Variants in ZNF438 observed in about 807,000 individuals in gnomAD.
ZNF438 encodes zinc finger protein 438.
In ZNF438, 25 loss-of-function variants were observed where a neutral mutation model predicts 38.0. The ratio of observed to expected loss-of-function variants is 0.66; its 90% CI spans 0.48 to 0.92. The LOEUF is 0.92. Ranked by LOEUF, ZNF438 falls within the 40% of genes least tolerant of loss-of-function variation. ZNF438 has a pLI of 0.00. For synonymous variants in ZNF438, 372 were observed against 364.1 expected (o/e 1.02, Z -0.25); for missense variants, 1,007 against 999.6 (o/e 1.01, Z -0.10).
intron 1 of ZNF438, among the ~76,000 whole-genome samples, chr10:31,006,841 TA>T (rs1191243238): frequency 1.4e-5 from 2 of 147,904 alleles, no homozygotes; most frequent in Non-Finnish European, 3.0e-5. Context: ...TGTTGGCTAA[TA>T]GAAAAAAAAA....
intron 1 of ZNF438, among the ~76,000 whole-genome samples, chr10:31,006,029 C>A (rs528994665): frequency 5.3e-5 from 8 of 152,268 alleles, no homozygotes; most frequent in African/African-American, 1.4e-4. Context: ...GATGTCCATC[C>A]CTTATTCCCT....
intron 2 of ZNF438, among the ~76,000 whole-genome samples, chr10:30,933,757 G>A (rs1425529900): frequency 6.6e-6 from 1 of 152,110 alleles, no homozygotes; most frequent in Admixed American, 6.5e-5. Context: ...CATGTCTACT[G>A]CCCCTTACAC....
At chr10:30,936,915 A>T (rs2046320021) in intron 2 of ZNF438, among the ~76,000 whole-genome samples, 1 of 152,176 alleles carries the variant, frequency 6.6e-6, no homozygotes, top group Admixed American at 6.5e-5. Context: ...CATTGCCTCC[A>T]AACATAAAAA....
At chr10:30,909,446 A>T (rs888633241) in intron 2 of ZNF438, among the ~76,000 whole-genome samples, 5 of 152,186 alleles carry the variant, frequency 3.3e-5, no homozygotes, top group Admixed American at 6.5e-5. Context: ...TAAAACACAG[A>T]ACTCCTGATT....
chr10:30,947,897 G>T (rs527287530), intron 1 of ZNF438, among the ~76,000 whole-genome samples: 1 of 152,180 alleles, frequency 6.6e-6, no homozygotes, highest in African/African-American at 2.4e-5. Context: ...CGCACCCACT[G>T]ACCTGCGCCC....
At chr10:30,880,001 A>G (rs1355915042) in intron 3 of ZNF438, among the ~76,000 whole-genome samples, 1 of 152,196 alleles carries the variant, frequency 6.6e-6, no homozygotes, top group Non-Finnish European at 1.5e-5. Context: ...ACATGAAAAC[A>G]TATTAAGGTA....
chr10:30,846,689 C>T (rs2032207673), intron 5 of ZNF438, among the ~76,000 whole-genome samples: 1 of 152,184 alleles, frequency 6.6e-6, no homozygotes, highest in Non-Finnish European at 1.5e-5. Flanking sequence ...CCCCTGTGCT[C>T]TTGGAAGCTG....
At chr10:30,988,777 TAC>T (rs796459428) in intron 1 of ZNF438, among the ~76,000 whole-genome samples, 4 of 152,314 alleles carry the variant, frequency 2.6e-5, no homozygotes, top group African/African-American at 9.6e-5. Context: ...TATATAAGTT[TAC>T]AGTTTTTTAG....
intron 1 of ZNF438, among the ~76,000 whole-genome samples, chr10:30,942,166 C>A (rs1589313361): frequency 6.6e-6 from 1 of 152,160 alleles, no homozygotes; most frequent in South Asian, 2.1e-4. Flanking sequence ...GAAGGCTCTG[C>A]CTTATGGACT....
intron 1 of ZNF438, among the ~76,000 whole-genome samples, chr10:30,997,188 A>G (rs2054140451): frequency 6.6e-6 from 1 of 152,202 alleles, no homozygotes; most frequent in South Asian, 2.1e-4. Context: ...GAAGGAAATA[A>G]TAAAGAATAA....
chr10:30,954,132 G>A (rs2048593238), intron 1 of ZNF438, among the ~76,000 whole-genome samples: 1 of 152,038 alleles, frequency 6.6e-6, no homozygotes. Context: ...GACAGTGCGA[G>A]ACTGTTTAAA....
chr10:30,964,099 A>G (rs1213762741), intron 1 of ZNF438, among the ~76,000 whole-genome samples: 5 of 152,170 alleles, frequency 3.3e-5, no homozygotes, highest in Non-Finnish European at 5.9e-5. Context: ...TTAGGAGAAA[A>G]TAAGGAACAA....
intron 1 of ZNF438, among the ~76,000 whole-genome samples, chr10:31,022,318 G>T (rs2056654225): frequency 6.6e-6 from 1 of 151,764 alleles, no homozygotes; most frequent in African/African-American, 2.4e-5. Context: ...CTGGAATGCA[G>T]TGGTACAATC....
rs1005566088 is a variant in ZNF438 at position 30,960,342 on chromosome 10, C to A, written c.-191-18691G>T. Among the ~76,000 whole-genome samples, 4 of 147,142 alleles carry A rather than the reference C, an allele frequency of 2.7e-5. 1 individual carries two copies. Among genetic ancestry groups the A allele is most frequent in the Non-Finnish European group, 6.2e-5 (4 of 64,874 alleles). On this transcript the variant is annotated intron_variant, in intron 1 of 5. Coordinates refer to ENST00000413025, the Ensembl canonical transcript of ZNF438. Reference sequence around the variant, plus strand: ...GCTTCTGGTGTCATACCTAACAACTCTGCCTAATCCAAGGTCATAAAGTTT... The same window carrying A: ...GCTTCTGGTGTCATACCTAACAACTATGCCTAATCCAAGGTCATAAAGTTT...
chr10:30,903,499 G>A (rs2042267800), intron 3 of ZNF438, among the ~76,000 whole-genome samples: 1 of 152,236 alleles, frequency 6.6e-6, no homozygotes, highest in Admixed American at 6.5e-5. Flanking sequence ...ATTTCTCATT[G>A]GAAGGGAGTT....
chr10:30,984,216 T>C (rs1005446672), intron 1 of ZNF438, among the ~76,000 whole-genome samples, 153 bp downstream of exon 2: 1 of 152,178 alleles, frequency 6.6e-6, no homozygotes, highest in Non-Finnish European at 1.5e-5. Flanking sequence ...TGAAGATTCA[T>C]GTAAATGTGA....
chr10:30,867,276 T>C (rs905644498), intron 4 of ZNF438, among the ~76,000 whole-genome samples: 1 of 152,156 alleles, frequency 6.6e-6, no homozygotes, highest in African/African-American at 2.4e-5. Flanking sequence ...AGCCAGAATT[T>C]AAAGATATTT....
chr10:31,008,437 C>T (rs760519917), intron 1 of ZNF438, among the ~76,000 whole-genome samples: 3 of 152,192 alleles, frequency 2.0e-5, no homozygotes, highest in Non-Finnish European at 4.4e-5. Flanking sequence ...AGTAGTCATT[C>T]CCCATCTCCC....
intron 1 of ZNF438, among the ~76,000 whole-genome samples, chr10:31,001,653 T>G (rs78503140): frequency 0.024 from 3,605 of 152,352 alleles, 129 homozygotes; most frequent in African/African-American, 0.081. Context: ...GAAATTACAC[T>G]AAACATATCA....
Sources: gnomAD v4.1 joint callset for allele counts (sites outside exome capture counted in the v4.1 genomes callset) on GRCh38, gnomAD v4.1.1 for gene constraint, MANE v1.5 for transcripts, NCBI Gene and HGNC (gene_info 2026-07-23, HGNC 2026-07-21) for gene names.